Variants in COL25A1 observed in about 807,000 individuals in gnomAD.
COL25A1 encodes the protein collagen alpha-1(XXV) chain.
COL25A1 carries 103 observed loss-of-function variants against 128.4 expected under a neutral mutation model. The observed-to-expected ratio is 0.80, with a 90% CI of 0.68 to 0.94. COL25A1 has a LOEUF of 0.94. COL25A1 is among the 40% of genes least tolerant of loss of function. COL25A1 has a pLI of 0.00. For missense variants in COL25A1, 745 were observed against 840.0 expected (o/e 0.89, Z 1.40); for synonymous variants, 279 against 277.2 (o/e 1.01, Z -0.06).
At chr4:109,066,150 A>G (rs913070438) in intron 3 of COL25A1, among the ~76,000 whole-genome samples, 1 of 152,208 alleles carries the variant, frequency 6.6e-6, no homozygotes, top group Non-Finnish European at 1.5e-5. Flanking sequence ...GGACATTCAT[A>G]TTTAAATGAA....
chr4:109,199,097 T>C (rs978418940), intron 3 of COL25A1, among the ~76,000 whole-genome samples: 2 of 152,180 alleles, frequency 1.3e-5, no homozygotes, highest in African/African-American at 4.8e-5. Context: ...TTAAAGCACT[T>C]GACATTTTTT....
chr4:108,988,667 C>T (rs1474165949), intron 6 of COL25A1, among the ~76,000 whole-genome samples: 1 of 152,186 alleles, frequency 6.6e-6, no homozygotes, highest in Non-Finnish European at 1.5e-5. Context: ...TTTACTCCCC[C>T]CACATTTTCA....
chr4:109,216,439 G>T (rs895930728), intron 3 of COL25A1, among the ~76,000 whole-genome samples: 3 of 152,088 alleles, frequency 2.0e-5, no homozygotes, highest in Admixed American at 2.0e-4. Context: ...CAATACCTGT[G>T]TATATGACCT....
chr4:109,194,445 G>T (rs1324808626), intron 3 of COL25A1, among the ~76,000 whole-genome samples: 1 of 152,092 alleles, frequency 6.6e-6, no homozygotes, highest in African/African-American at 2.4e-5. Flanking sequence ...CTAATTCATT[G>T]CAAAAATATT....
At chr4:108,957,178 C>T (rs934987292) in intron 8 of COL25A1, among the ~76,000 whole-genome samples, 53 of 152,016 alleles carry the variant, frequency 3.5e-4, no homozygotes, top group African/African-American at 1.3e-3. Context: ...ATACATTATC[C>T]TTTAAGGAGG....
intron 3 of COL25A1, among the ~76,000 whole-genome samples, chr4:109,256,429 C>G (rs1781093150): frequency 1.3e-5 from 2 of 151,992 alleles, no homozygotes; most frequent in Admixed American, 1.3e-4. Context: ...GGTACAGGCT[C>G]CTAACGCAGC....
intron 3 of COL25A1, among the ~76,000 whole-genome samples, chr4:109,215,167 C>T (rs1777887662): frequency 6.6e-6 from 1 of 152,146 alleles, no homozygotes; most frequent in Admixed American, 6.6e-5. Flanking sequence ...TACAGGAAAT[C>T]AGGGTAACAA....
At chr4:109,105,135 T>C (rs1227737498) in intron 3 of COL25A1, among the ~76,000 whole-genome samples, 1 of 152,156 alleles carries the variant, frequency 6.6e-6, no homozygotes, top group East Asian at 1.9e-4. Context: ...TTTGTGAAGC[T>C]ACTCTAAATA....
chr4:108,929,918 A>AATGACATG (rs1239496616), intron 11 of COL25A1, among the ~76,000 whole-genome samples: 1 of 152,182 alleles, frequency 6.6e-6, no homozygotes, highest in Admixed American at 6.5e-5. Flanking sequence ...CTTGGGGCAT[A>AATGACATG]ATGACATGAC....
chr4:109,209,645 C>T (rs1446636722), intron 3 of COL25A1, among the ~76,000 whole-genome samples: 1 of 152,090 alleles, frequency 6.6e-6, no homozygotes, highest in African/African-American at 2.4e-5. Flanking sequence ...TAATTATTAT[C>T]TTTGAAATAC....
chr4:109,241,938 T>A (rs544283084), intron 3 of COL25A1, among the ~76,000 whole-genome samples: 13 of 152,146 alleles, frequency 8.5e-5, no homozygotes, highest in East Asian at 7.7e-4. Context: ...ACTTTTTTTT[T>A]AAAAGTTGAA....
Position 109,301,771 on chromosome 4 carries a change from AT to A in COL25A1, c.248del (p.Asp83ValfsTer26), listed in dbSNP as rs1725568851. On this transcript the variant is annotated frameshift_variant, in exon 2 of 38. Coordinates refer to ENST00000399132, the MANE Select transcript of COL25A1 (RefSeq NM_198721.4). LOFTEE classifies it high-confidence loss of function. ...PSIHLLPDTL[D>X]HLKTMVQEKV... The stretch of plus-strand genomic sequence containing the variant: ...TCTCTTGCACCATAGTCTTGAGGTG[AT>A]CCAGGGTATCAGGCAGCAGATGAAT... The A allele has an allele frequency of 6.2e-7, 1 of 1,614,096 alleles. No homozygotes were observed. Among genetic ancestry groups the A allele is most frequent in the African/African-American group, 1.3e-5 (1 of 74,936 alleles).
intron 3 of COL25A1, among the ~76,000 whole-genome samples, chr4:109,125,892 T>C (rs1768553033): frequency 6.6e-6 from 1 of 152,198 alleles, no homozygotes; most frequent in South Asian, 2.1e-4. Flanking sequence ...AAATAAGCAA[T>C]ATTTGGGGAC....
At chr4:109,262,741 C>T (rs1553969922) in intron 3 of COL25A1, among the ~76,000 whole-genome samples, 1 of 152,114 alleles carries the variant, frequency 6.6e-6, no homozygotes, top group Non-Finnish European at 1.5e-5. Context: ...GAAATAGTTA[C>T]ACACATTAAT....
In COL25A1 at chr4:108,813,335, T is replaced by G. The variant is rs1466400737; in HGVS notation, c.*592A>C. 2 of 152,368 alleles carry G rather than the reference T, an allele frequency of 1.3e-5. No homozygotes were observed. Among genetic ancestry groups the G allele is most frequent in the Non-Finnish European group, 2.9e-5 (2 of 68,180 alleles). 9.4% of individuals were successfully genotyped at this position (152,368 alleles called of 1,614,324 possible). On this transcript the variant is annotated 3_prime_UTR_variant, in exon 38 of 38. Transcript: ENST00000399132. The stretch of plus-strand genomic sequence containing the variant: ...AAGCCATGGTGTAACCCCCTTGAGA[T>G]GACAAAAGGAATAAAGGTTCAGATG...
In COL25A1 at chr4:109,116,067, C is replaced by T. The variant is rs1436873297; in HGVS notation, c.368-65888G>A. 2.0e-5 allele frequency among the ~76,000 whole-genome samples: 3 copies of T among 151,936 alleles called. No individual in the cohort carries two copies. In the East Asian group the frequency reaches 5.8e-4, roughly 29 times the overall value. On this transcript the variant is annotated intron_variant, in intron 3 of 37. Coordinates refer to ENST00000399132, the MANE Select transcript of COL25A1 (RefSeq NM_198721.4). ...AACTGGAACTCAGCAGAAACCAGTGCCAGGATAGGAAAACCCGAAGTGTAG... is the reference window on the plus strand; with the variant it reads ...AACTGGAACTCAGCAGAAACCAGTGTCAGGATAGGAAAACCCGAAGTGTAG...
At chr4:108,875,244 CA>C (rs1739302211) in intron 19 of COL25A1, among the ~76,000 whole-genome samples, 1 of 152,112 alleles carries the variant, frequency 6.6e-6, no homozygotes, top group South Asian at 2.1e-4. Flanking sequence ...TTCTGCACGG[CA>C]AAAGAAACTA....
In COL25A1 at chr4:109,030,497, G is replaced by A. The variant is rs558302081; in HGVS notation, c.420+17671C>T. On this transcript the variant is annotated intron_variant, in intron 5 of 37. Coordinates refer to ENST00000399132, the MANE Select transcript of COL25A1 (RefSeq NM_198721.4). ...GGGAACCACCAAGGACCCACAGCAC[G>A]AACTCAGTAGTTGTGAAGACAAAAG... Among the ~76,000 whole-genome samples, 196 of 152,276 alleles carry A rather than the reference G, an allele frequency of 1.3e-3. 2 individuals are homozygous for A. The highest frequency in any genetic ancestry group is 2.1e-3 in the Non-Finnish European group (145 of 68,018).
chr4:108,923,560 G>A (rs1278211688), intron 11 of COL25A1, among the ~76,000 whole-genome samples: 5 of 152,056 alleles, frequency 3.3e-5, no homozygotes, highest in Admixed American at 6.6e-5. Flanking sequence ...TGCCCAGGCT[G>A]GTCTCAAACT....
Sources: gnomAD v4.1 joint callset for allele counts (sites outside exome capture counted in the v4.1 genomes callset) on GRCh38, gnomAD v4.1.1 for gene constraint, MANE v1.5 for transcripts, NCBI Gene and HGNC (gene_info 2026-07-23, HGNC 2026-07-21) for gene names.